XKR6: variants seen among roughly 807,000 people sequenced by gnomAD.
XKR6 encodes XK-related protein 6.
In XKR6, 22 loss-of-function variants were observed where a neutral mutation model predicts 56.7. The ratio of observed to expected loss-of-function variants is 0.39; its 90% CI spans 0.28 to 0.55. The LOEUF is 0.55. Among genes scored for constraint, XKR6 ranks in the 20% least tolerant of loss-of-function variants. XKR6 has a pLI of 0.66. For missense variants in XKR6, 852 were observed against 889.0 expected, an observed-to-expected ratio of 0.96 and a Z score of 0.53; for synonymous variants, 524 against 387.8, an observed-to-expected ratio of 1.35 and a Z score of -4.13.
chr8:11,073,154 T>C (rs1461741056), intron 1 of XKR6, among the ~76,000 whole-genome samples: 4 of 152,224 alleles, frequency 2.6e-5, no homozygotes, highest in Non-Finnish European at 4.4e-5. Context: ...AATCATTCAT[T>C]AGCTTGTCTG....
chr8:11,112,992 C>A (rs190976829), intron 1 of XKR6, among the ~76,000 whole-genome samples: 14 of 152,202 alleles, frequency 9.2e-5, no homozygotes, highest in African/African-American at 3.1e-4. Flanking sequence ...AGAAGAGAAA[C>A]ATGAAAATAA....
chr8:11,167,109 C>G (rs1295033263), intron 1 of XKR6, among the ~76,000 whole-genome samples: 2 of 152,052 alleles, frequency 1.3e-5, no homozygotes, highest in Non-Finnish European at 2.9e-5. Flanking sequence ...GAAAAAATGT[C>G]AGAGTAGACA....
chr8:11,049,917 C>T (rs1195867354), intron 1 of XKR6, among the ~76,000 whole-genome samples: 2 of 152,142 alleles, frequency 1.3e-5, no homozygotes, highest in Non-Finnish European at 2.9e-5. Flanking sequence ...GGACATTTCC[C>T]CCTTCTGTGC....
At chr8:11,147,654 CAAA>C (rs35057185) in intron 1 of XKR6, among the ~76,000 whole-genome samples, 7 of 100,604 alleles carry the variant, frequency 7.0e-5, no homozygotes, top group African/African-American at 3.9e-5. Context: ...GACTCTGTCT[CAAA>C]AAAAAAAAAA....
At chr8:11,121,187 G>C (rs1476987736) in intron 1 of XKR6, among the ~76,000 whole-genome samples, 1 of 152,144 alleles carries the variant, frequency 6.6e-6, no homozygotes, top group Non-Finnish European at 1.5e-5. Flanking sequence ...ATTGACAAAT[G>C]GGATCTGTTT....
intron 1 of XKR6, among the ~76,000 whole-genome samples, chr8:10,990,201 C>A (rs1797957164): frequency 6.6e-6 from 1 of 152,180 alleles, no homozygotes; most frequent in Non-Finnish European, 1.5e-5. Flanking sequence ...ATTTTCAGTG[C>A]AGTGGCAGCA....
intron 1 of XKR6, among the ~76,000 whole-genome samples, chr8:10,945,951 G>C (rs1418077683): frequency 6.6e-6 from 1 of 151,994 alleles, no homozygotes; most frequent in Non-Finnish European, 1.5e-5. Context: ...GTGAATATGG[G>C]GACTATATTT....
intron 1 of XKR6, among the ~76,000 whole-genome samples, chr8:10,990,895 CTTTTTTTTTTTTT>C (rs59410799): frequency 4.1e-5 from 3 of 73,592 alleles, no homozygotes; most frequent in East Asian, 3.5e-4. Context: ...TGGGGAATGT[CTTTTTTTTTTTTT>C]TTTTTTTTTT....
chr8:11,128,639 T>C (rs1799948222), intron 1 of XKR6, among the ~76,000 whole-genome samples: 1 of 152,100 alleles, frequency 6.6e-6, no homozygotes, highest in South Asian at 2.1e-4. Flanking sequence ...TGTCCTAGAG[T>C]ATAACCCTGT....
At chr8:11,122,599 G>A (rs1353516024) in intron 1 of XKR6, among the ~76,000 whole-genome samples, 1 of 152,180 alleles carries the variant, frequency 6.6e-6, no homozygotes, top group African/African-American at 2.4e-5. Context: ...TAGAAAATAA[G>A]ATATTCTTTA....
intron 1 of XKR6, among the ~76,000 whole-genome samples, chr8:11,118,459 G>A (rs546507619): frequency 6.6e-6 from 1 of 152,186 alleles, no homozygotes; most frequent in Non-Finnish European, 1.5e-5. Flanking sequence ...TAGTTGGTAA[G>A]CTATTAACTA....
At chr8:11,103,305 G>T (rs1362277693) in intron 1 of XKR6, among the ~76,000 whole-genome samples, 1 of 152,144 alleles carries the variant, frequency 6.6e-6, no homozygotes, top group Admixed American at 6.5e-5. Flanking sequence ...TCCAACACCT[G>T]CCTTAAACTT....
intron 1 of XKR6, among the ~76,000 whole-genome samples, chr8:10,995,816 T>A (rs1389653959): frequency 6.6e-6 from 1 of 152,170 alleles, no homozygotes; most frequent in Non-Finnish European, 1.5e-5. Context: ...AGGAGACTCT[T>A]CCAGGCCAGA....
chr8:11,148,590 G>T (rs1801112311), intron 1 of XKR6, among the ~76,000 whole-genome samples: 1 of 152,186 alleles, frequency 6.6e-6, no homozygotes, highest in South Asian at 2.1e-4. Flanking sequence ...AATATAAAAT[G>T]GTTCAACTAC....
chr8:10,949,199 C>T (rs749706674), intron 1 of XKR6, among the ~76,000 whole-genome samples: 2 of 152,250 alleles, frequency 1.3e-5, no homozygotes, highest in Admixed American at 6.5e-5. Flanking sequence ...CCCCTACTCC[C>T]GCTTCCAGCC....
chr8:11,194,699 TACAG>T (rs1327755717), intron 1 of XKR6: 1 of 42,184 alleles, frequency 2.4e-5, no homozygotes, highest in Admixed American at 2.9e-4. Context: ...TTTCCAACAT[TACAG>T]AATCTATCCA....
chr8:11,085,724 A>G (rs573623060), intron 1 of XKR6, among the ~76,000 whole-genome samples: 1 of 152,218 alleles, frequency 6.6e-6, no homozygotes, highest in East Asian at 1.9e-4. Flanking sequence ...TCTCCTCTGA[A>G]GAGTCCAATT....
At chr8:11,087,246 T>A (rs1000309313) in intron 1 of XKR6, among the ~76,000 whole-genome samples, 1 of 152,198 alleles carries the variant, frequency 6.6e-6, no homozygotes, top group Non-Finnish European at 1.5e-5. Context: ...TCAACCACTG[T>A]CCCAGCAAAG....
rs1207328064 is a variant in XKR6 at position 11,108,120 on chromosome 8, AGGGACCCG to A, written c.764+92448_764+92455del. ...GAAAACAGAGATTGGAAACACGCAA[AGGGACCCG>A]TGTGTTGAAACACATTTCTAATCAG... On this transcript the variant is annotated intron_variant, in intron 1 of 2. Transcript: ENST00000416569. 4.1e-5 allele frequency: 14 copies of A among 341,428 alleles called. No homozygotes were observed. In the Admixed American group the frequency reaches 5.6e-4, roughly 14 times the overall value. The allele number at this position is 341,428 out of a possible 1,614,324, so 21.1% of individuals were successfully genotyped here.
Sources: gnomAD v4.1 joint callset for allele counts (sites outside exome capture counted in the v4.1 genomes callset) on GRCh38, gnomAD v4.1.1 for gene constraint, MANE v1.5 for transcripts, NCBI Gene and HGNC (gene_info 2026-07-23, HGNC 2026-07-21) for gene names.